The following REDIC1 variants were observed in gnomAD, a reference collection of about 807,000 sequenced individuals.
REDIC1 encodes the protein HEI10 Interacting Protein 1.
the REDIC1 span, chr12:39,757,467 T>C: frequency 6.6e-6 from 1 of 151,702 alleles, no homozygotes; most frequent in Non-Finnish European, 1.5e-5. Flanking sequence ...AACATTTAAT[T>C]TTTAATATAC....
the REDIC1 span, chr12:39,759,954 C>A: frequency 9.1e-7 from 1 of 1,104,822 alleles, no homozygotes; most frequent in Non-Finnish European, 1.4e-6. Context: ...AGAAGCAGGG[C>A]AGTGAAGTCA....
the REDIC1 span, among the ~76,000 whole-genome samples, chr12:39,815,506 T>C: frequency 6.6e-6 from 1 of 152,206 alleles, no homozygotes; most frequent in Non-Finnish European, 1.5e-5. Context: ...AACATTCACA[T>C]GCACTGAGAG....
chr12:39,796,888 T>C, the REDIC1 span, among the ~76,000 whole-genome samples: 3 of 152,188 alleles, frequency 2.0e-5, no homozygotes, highest in Non-Finnish European at 2.9e-5. Context: ...TATTTCCTTA[T>C]AACACATTTC....
chr12:39,697,402 C>A, the REDIC1 span, among the ~76,000 whole-genome samples: 4 of 152,040 alleles, frequency 2.6e-5, no homozygotes, highest in East Asian at 7.7e-4. Flanking sequence ...AGTTAATGAG[C>A]AAGAAGAAAT....
At chr12:39,883,773 T>C in the REDIC1 span, among the ~76,000 whole-genome samples, 1 of 152,344 alleles carries the variant, frequency 6.6e-6, no homozygotes, top group East Asian at 1.9e-4. Flanking sequence ...CAAATATATG[T>C]AGTTTTATGC....
the REDIC1 span, among the ~76,000 whole-genome samples, chr12:39,743,331 A>G: frequency 6.6e-6 from 1 of 152,132 alleles, no homozygotes; most frequent in Non-Finnish European, 1.5e-5. Context: ...CAGCTCACTA[A>G]AAGACTGAAA....
the REDIC1 span, chr12:39,682,963 A>G: frequency 3.1e-6 from 5 of 1,613,364 alleles, no homozygotes; most frequent in Non-Finnish European, 4.2e-6. Flanking sequence ...CAGATGCATT[A>G]GAAACATTTT....
chr12:39,711,497 GTA>G, the REDIC1 span, among the ~76,000 whole-genome samples: 9 of 139,920 alleles, frequency 6.4e-5, no homozygotes, highest in Admixed American at 5.0e-4. Flanking sequence ...ATGTATATAA[GTA>G]TGTATATATG....
the REDIC1 span, among the ~76,000 whole-genome samples, chr12:39,797,739 C>CACAT: frequency 0.085 from 2,525 of 29,772 alleles, 60 homozygotes; most frequent in Non-Finnish European, 0.099. Context: ...CACACACACA[C>CACAT]ACACACACAC....
At chr12:39,860,054 G>A in the REDIC1 span, among the ~76,000 whole-genome samples, 1 of 152,188 alleles carries the variant, frequency 6.6e-6, no homozygotes, top group African/African-American at 2.4e-5. Flanking sequence ...AATAGAAAAA[G>A]AAGCTGTTGT....
At chr12:39,719,907 C>T in the REDIC1 span, among the ~76,000 whole-genome samples, 10 of 152,208 alleles carry the variant, frequency 6.6e-5, no homozygotes, top group Admixed American at 5.9e-4. Context: ...TAAGACGTAT[C>T]TACTAGCTAT....
the REDIC1 span, among the ~76,000 whole-genome samples, chr12:39,686,313 A>G: frequency 2.0e-5 from 3 of 152,190 alleles, no homozygotes; most frequent in Non-Finnish European, 4.4e-5. Context: ...GCTTTTGCAT[A>G]CATCCTTTGA....
the REDIC1 span, among the ~76,000 whole-genome samples, chr12:39,785,578 G>T: frequency 6.6e-6 from 1 of 152,176 alleles, no homozygotes. Context: ...CTGCCTGGTG[G>T]AGCTGTGAGA....
chr12:39,787,978 GA>G, the REDIC1 span, among the ~76,000 whole-genome samples: 1 of 152,118 alleles, frequency 6.6e-6, no homozygotes, highest in African/African-American at 2.4e-5. Flanking sequence ...TTCTATCATA[GA>G]AATTTGGCCA....
the REDIC1 span, among the ~76,000 whole-genome samples, chr12:39,835,229 T>C: frequency 6.6e-5 from 10 of 152,058 alleles, no homozygotes; most frequent in African/African-American, 2.4e-4. Flanking sequence ...CTTCAAAGTT[T>C]TCTATCTCAA....
chr12:39,826,426 A>C, the REDIC1 span, among the ~76,000 whole-genome samples: 1 of 150,530 alleles, frequency 6.6e-6, no homozygotes, highest in African/African-American at 2.4e-5. Context: ...TATTGTAAAA[A>C]CAGTTATATT....
the REDIC1 span, among the ~76,000 whole-genome samples, chr12:39,730,285 T>C: frequency 2.6e-5 from 4 of 152,364 alleles, no homozygotes; most frequent in South Asian, 8.3e-4. Flanking sequence ...ATTTTTGCAG[T>C]GGCTGCTACC....
the REDIC1 span, among the ~76,000 whole-genome samples, chr12:39,765,874 C>T: frequency 6.6e-6 from 1 of 152,070 alleles, no homozygotes; most frequent in East Asian, 1.9e-4. Context: ...TCCTGATGCT[C>T]TCCCTCCTCC....
At chr12:39,739,910 C>T in the REDIC1 span, among the ~76,000 whole-genome samples, 2 of 152,204 alleles carry the variant, frequency 1.3e-5, no homozygotes, top group African/African-American at 2.4e-5. Flanking sequence ...CATGCTTCTG[C>T]TCTTTCTTAG....
Sources: gnomAD v4.1 joint callset for allele counts (sites outside exome capture counted in the v4.1 genomes callset) on GRCh38, gnomAD v4.1.1 for gene constraint, MANE v1.5 for transcripts, NCBI Gene and HGNC (gene_info 2026-07-23, HGNC 2026-07-21) for gene names.